MOB1B: variants seen among roughly 807,000 people sequenced by gnomAD.
The protein encoded by MOB1B is MOB kinase activator 1B.
MOB1B carries 19 observed loss-of-function variants against 24.4 expected under a neutral mutation model. The ratio of observed to expected loss-of-function variants is 0.78; its 90% CI spans 0.54 to 1.14. The LOEUF is 1.14. Ranked by LOEUF, MOB1B falls within the 50% of genes most tolerant of loss-of-function variation. The probability of loss-of-function intolerance (pLI) is 0.00; values close to 1 mark genes in which losing one functional copy is unlikely to be tolerated. For missense variants in MOB1B, 243 were observed against 259.6 expected (o/e 0.94, Z 0.44); for synonymous variants, 76 against 82.1 (o/e 0.93, Z 0.40).
At chr4:70,917,372 G>C (rs1736235496) in intron 1 of MOB1B, among the ~76,000 whole-genome samples, 1 of 152,196 alleles carries the variant, frequency 6.6e-6, no homozygotes, top group Admixed American at 6.6e-5. Flanking sequence ...TCAAAGATAA[G>C]AGTTTCATGA....
intron 1 of MOB1B, among the ~76,000 whole-genome samples, chr4:70,934,185 A>G (rs578012132): frequency 8.6e-5 from 13 of 151,968 alleles, no homozygotes; most frequent in Non-Finnish European, 1.5e-4. Flanking sequence ...CCTGGGTTCA[A>G]GTGATTCTCC....
intron 1 of MOB1B, among the ~76,000 whole-genome samples, chr4:70,903,361 C>G (rs1165695690): frequency 2.0e-5 from 3 of 152,178 alleles, no homozygotes; most frequent in Non-Finnish European, 2.9e-5. Flanking sequence ...ATTTCACTTA[C>G]TTATCGTTTG....
intron 1 of MOB1B, among the ~76,000 whole-genome samples, chr4:70,938,838 C>T (rs1272100456): frequency 2.7e-5 from 4 of 147,898 alleles, no homozygotes; most frequent in Admixed American, 2.1e-4. Flanking sequence ...AGTGCAATGG[C>T]ATAGTCTTGG....
intron 1 of MOB1B, among the ~76,000 whole-genome samples, chr4:70,939,140 C>T (rs1439186867): frequency 6.6e-6 from 1 of 152,168 alleles, no homozygotes; most frequent in Non-Finnish European, 1.5e-5. Flanking sequence ...AACACAATTT[C>T]CTTTCACTTA....
intron 5 of MOB1B, among the ~76,000 whole-genome samples, chr4:70,981,042 C>T (rs1404004144): frequency 6.6e-6 from 1 of 152,116 alleles, no homozygotes; most frequent in Non-Finnish European, 1.5e-5. Context: ...ATCTGTTCTC[C>T]TGGTCGCTGT....
At position 70,986,411 on chromosome 4, in the gene MOB1B, TA is replaced by T. The variant is rs1272739502; in HGVS notation, c.*4355del. The T allele has an allele frequency of 6.6e-6, 1 of 152,094 alleles. No homozygotes were observed. The highest frequency in any genetic ancestry group is 1.5e-5 in the Non-Finnish European group (1 of 67,974). 9.4% of individuals were successfully genotyped at this position (152,094 alleles called of 1,614,324 possible). On this transcript the variant is annotated 3_prime_UTR_variant, in exon 6 of 6. Coordinates refer to ENST00000309395, the MANE Select transcript of MOB1B (RefSeq NM_173468.4). Reference sequence around the variant, plus strand: ...ACATATCACAAAATATTTAGAATTGTATAACCTTTTCATATATTTATAACTT... The same window carrying T: ...ACATATCACAAAATATTTAGAATTGTTAACCTTTTCATATATTTATAACTT...
At chr4:70,943,418 G>T (rs1461058151) in intron 1 of MOB1B, among the ~76,000 whole-genome samples, 1 of 152,144 alleles carries the variant, frequency 6.6e-6, no homozygotes, top group Non-Finnish European at 1.5e-5. Flanking sequence ...AGCAAGATTA[G>T]CTCACATCAT....
At chr4:70,969,421 G>A (rs560827133) in intron 2 of MOB1B, among the ~76,000 whole-genome samples, 9 of 152,138 alleles carry the variant, frequency 5.9e-5, no homozygotes, top group Non-Finnish European at 1.0e-4. Flanking sequence ...GTGATGCATC[G>A]TGCCCAGCCT....
rs564034315 is a variant in MOB1B at position 70,980,224 on chromosome 4, C to T, written c.573+933C>T. Among the ~76,000 whole-genome samples, 105 of 152,260 alleles carry T rather than the reference C, an allele frequency of 6.9e-4. 1 individual carries two copies. Among genetic ancestry groups the T allele is most frequent in the Non-Finnish European group, 1.3e-3 (90 of 68,024 alleles). ...ACATACTTTAGGAGATTGTAACTTGCCAAAACTGTTGCTCTCAACAGTTAC... is the reference window on the plus strand; with the variant it reads ...ACATACTTTAGGAGATTGTAACTTGTCAAAACTGTTGCTCTCAACAGTTAC... On this transcript the variant is annotated intron_variant, in intron 5 of 5. Transcript: ENST00000309395.
chr4:70,941,677 T>C (rs1466704878), intron 1 of MOB1B, among the ~76,000 whole-genome samples: 1 of 152,204 alleles, frequency 6.6e-6, no homozygotes, highest in Non-Finnish European at 1.5e-5. Context: ...CTCTGTTCCA[T>C]CCTTCCTTGT....
intron 1 of MOB1B, among the ~76,000 whole-genome samples, chr4:70,932,651 G>C (rs1736929406): frequency 6.6e-6 from 1 of 152,166 alleles, no homozygotes; most frequent in Non-Finnish European, 1.5e-5. Flanking sequence ...CAGAGCCATA[G>C]GACTCCATCA....
intron 5 of MOB1B, among the ~76,000 whole-genome samples, chr4:70,981,236 C>G (rs1052260637): frequency 6.6e-6 from 1 of 152,156 alleles, no homozygotes; most frequent in African/African-American, 2.4e-5. Context: ...CAGTATTTAA[C>G]TGTAGTGCTT....
intron 1 of MOB1B, among the ~76,000 whole-genome samples, chr4:70,957,488 G>T (rs564107035): frequency 1.2e-3 from 186 of 151,148 alleles, no homozygotes; most frequent in Non-Finnish European, 2.3e-3. Flanking sequence ...GGCTGGAGTA[G>T]AGTGGCATGA....
At chr4:70,949,642 C>T (rs1737720583) in intron 1 of MOB1B, among the ~76,000 whole-genome samples, 1 of 152,072 alleles carries the variant, frequency 6.6e-6, no homozygotes, top group Non-Finnish European at 1.5e-5. Context: ...ATTCCCAGCA[C>T]TTTGGGTGGT....
chr4:70,974,355 C>T (rs1168953966), intron 3 of MOB1B, among the ~76,000 whole-genome samples: 1 of 152,126 alleles, frequency 6.6e-6, no homozygotes, highest in South Asian at 2.1e-4. Context: ...CCACGTGCCT[C>T]GGCCTCCTGA....
chr4:70,912,438 C>T lies in MOB1B; in HGVS notation c.14+9888C>T, dbSNP rs776095359. 1.3e-3 allele frequency among the ~76,000 whole-genome samples: 191 copies of T among 152,132 alleles called. 1 individual carries two copies. Among genetic ancestry groups the T allele is most frequent in the South Asian group, 1.7e-3 (8 of 4,820 alleles). ...GGGATTACAGGTGCCCGCCACCACA[C>T]CCAGCTAATTTTTATATTCTTAGTA... On this transcript the variant is annotated intron_variant, in intron 1 of 5. Transcript: ENST00000309395.
intron 1 of MOB1B, among the ~76,000 whole-genome samples, chr4:70,946,191 A>G (rs1448291633): frequency 6.6e-6 from 1 of 151,030 alleles, no homozygotes; most frequent in African/African-American, 2.4e-5. Context: ...AATATTCCTC[A>G]ATGTTACTTC....
intron 1 of MOB1B, among the ~76,000 whole-genome samples, chr4:70,921,684 T>G (rs1481689190): frequency 1.3e-5 from 2 of 152,020 alleles, no homozygotes; most frequent in Non-Finnish European, 2.9e-5. Flanking sequence ...AATTTTTGTA[T>G]TTTTAGTAGA....
chr4:70,953,581 C>G (rs1737898610), intron 1 of MOB1B, among the ~76,000 whole-genome samples: 1 of 152,072 alleles, frequency 6.6e-6, no homozygotes, highest in Non-Finnish European at 1.5e-5. Context: ...ATTTTCCGGA[C>G]TCTCAAAAAA....
Sources: allele counts gnomAD v4.1 joint callset (sites outside exome capture counted in the v4.1 genomes callset), GRCh38; gene constraint gnomAD v4.1.1; transcripts MANE v1.5; gene names NCBI Gene and HGNC (gene_info 2026-07-23, HGNC 2026-07-21).